The following DPYD variants were observed in gnomAD, a reference collection of about 807,000 sequenced individuals.
DPYD encodes the protein dihydropyrimidine dehydrogenase [NADP(+)].
Under a neutral mutation model 116.2 loss-of-function variants are expected in DPYD, and 109 were observed. The observed-to-expected ratio is 0.94, with a 90% CI of 0.80 to 1.10. The LOEUF is 1.10. DPYD is among the 50% of genes least tolerant of loss of function. The pLI is 0.00. For synonymous variants in DPYD, 440 were observed against 432.0 expected (o/e 1.02, Z -0.23); for missense variants, 1,302 against 1,254.5 (o/e 1.04, Z -0.57).
intron 13 of DPYD, among the ~76,000 whole-genome samples, chr1:97,498,181 C>G (rs886863410): frequency 1.3e-5 from 2 of 151,482 alleles, no homozygotes; most frequent in Non-Finnish European, 3.0e-5. Flanking sequence ...TGGGGAGTAA[C>G]TGCTAATGGG....
chr1:97,732,473 CAAAA>C (rs751262032), intron 4 of DPYD, among the ~76,000 whole-genome samples: 2 of 55,150 alleles, frequency 3.6e-5, no homozygotes, highest in African/African-American at 6.7e-5. Flanking sequence ...GACTCCATCT[CAAAA>C]AAAAAAAAAA....
chr1:97,592,522 A>G (rs1654592404), intron 10 of DPYD, among the ~76,000 whole-genome samples: 1 of 151,842 alleles, frequency 6.6e-6, no homozygotes, highest in Non-Finnish European at 1.5e-5. Context: ...GCCCACCACC[A>G]CGCCCGGCTA....
chr1:97,731,813 T>C (rs1663628398), intron 4 of DPYD, among the ~76,000 whole-genome samples: 2 of 152,020 alleles, frequency 1.3e-5, no homozygotes, highest in Non-Finnish European at 2.9e-5. Context: ...CAGATTTTTC[T>C]TGTCTTAATA....
chr1:97,494,841 C>T (rs571569803), intron 13 of DPYD, among the ~76,000 whole-genome samples: 26 of 152,030 alleles, frequency 1.7e-4, no homozygotes, highest in Admixed American at 1.3e-3. Flanking sequence ...ACATCTAAGC[C>T]GGCTCCTGAG....
chr1:97,313,109 A>C (rs1299666081), intron 16 of DPYD, among the ~76,000 whole-genome samples: 6 of 151,952 alleles, frequency 3.9e-5, no homozygotes, highest in Non-Finnish European at 8.8e-5. Flanking sequence ...ATTAAGTGTC[A>C]CAAAAGACAA....
At chr1:97,857,188 C>A (rs1009652367) in intron 2 of DPYD, among the ~76,000 whole-genome samples, 3 of 152,074 alleles carry the variant, frequency 2.0e-5, no homozygotes, top group African/African-American at 7.2e-5. Flanking sequence ...TCCTAGCTAT[C>A]ATGGAGTATA....
intron 13 of DPYD, among the ~76,000 whole-genome samples, chr1:97,491,970 T>C (rs1679000566): frequency 6.6e-6 from 1 of 152,272 alleles, no homozygotes; most frequent in African/African-American, 2.4e-5. Flanking sequence ...TCATGTATTC[T>C]GCGGCAGGTT....
intron 5 of DPYD, chr1:97,719,786 T>A: frequency 2.0e-6 from 2 of 984,880 alleles, no homozygotes; most frequent in Non-Finnish European, 2.4e-6. Flanking sequence ...ACATTTTTAA[T>A]TTATAATTTG....
chr1:97,134,180 T>C (rs1022486065), intron 20 of DPYD, among the ~76,000 whole-genome samples: 4 of 151,170 alleles, frequency 2.6e-5, no homozygotes, highest in African/African-American at 7.3e-5. Context: ...TAGGGTTTTA[T>C]ATAGCTGGCT....
chr1:97,855,470 G>C (rs889439001), intron 2 of DPYD: 1 of 152,076 alleles, frequency 6.6e-6, no homozygotes, highest in Non-Finnish European at 1.5e-5. Flanking sequence ...ATCAACTTTG[G>C]TAGAAGACAA....
At chr1:97,778,195 AG>A (rs1397673436) in intron 3 of DPYD, among the ~76,000 whole-genome samples, 24 of 111,386 alleles carry the variant, frequency 2.2e-4, no homozygotes, top group Non-Finnish European at 3.8e-4. Context: ...AGAAAGAGAG[AG>A]AGAGAGAGAG....
chr1:97,752,278 A>T (rs1046781648), intron 3 of DPYD, among the ~76,000 whole-genome samples: 1 of 148,600 alleles, frequency 6.7e-6, no homozygotes, highest in Admixed American at 6.8e-5. Context: ...AAAAATAAAA[A>T]GTAAACCTAC....
intron 3 of DPYD, among the ~76,000 whole-genome samples, chr1:97,825,026 A>C (rs1355359960): frequency 6.6e-6 from 1 of 152,168 alleles, no homozygotes; most frequent in African/African-American, 2.4e-5. Context: ...GAAAACCCAA[A>C]TCTTCACTAA....
At chr1:97,340,805 T>C (rs1669552713) in intron 16 of DPYD, among the ~76,000 whole-genome samples, 6 of 152,218 alleles carry the variant, frequency 3.9e-5, no homozygotes. Context: ...ACTTGCTTGA[T>C]TTAATAGATA....
At chr1:97,451,409 C>A (rs1245373223) in intron 13 of DPYD, among the ~76,000 whole-genome samples, 1 of 152,114 alleles carries the variant, frequency 6.6e-6, no homozygotes, top group Admixed American at 6.6e-5. Flanking sequence ...AATTTACATT[C>A]ACTTTTACAT....
intron 20 of DPYD, among the ~76,000 whole-genome samples, chr1:97,183,928 C>T (rs1657817709): frequency 6.6e-6 from 1 of 152,006 alleles, no homozygotes; most frequent in African/African-American, 2.4e-5. Flanking sequence ...ACCTTCCATC[C>T]TCAAGTAGGC....
At chr1:97,330,645 AG>A (rs1338856566) in intron 16 of DPYD, among the ~76,000 whole-genome samples, 3 of 152,138 alleles carry the variant, frequency 2.0e-5, no homozygotes, top group African/African-American at 2.4e-5. Flanking sequence ...GCAAGGGATG[AG>A]GGGGTAGAGA....
At chr1:97,557,074 T>A (rs1178677590) in intron 11 of DPYD, among the ~76,000 whole-genome samples, 1 of 151,848 alleles carries the variant, frequency 6.6e-6, no homozygotes, top group Non-Finnish European at 1.5e-5. Context: ...GGTATCTCAT[T>A]GTGGTTTTGA....
intron 14 of DPYD, among the ~76,000 whole-genome samples, chr1:97,449,843 T>C (rs1219087817): frequency 2.0e-5 from 3 of 152,248 alleles, no homozygotes; most frequent in African/African-American, 4.8e-5. Flanking sequence ...CCATCTTACA[T>C]GGCACCCATT....
Sources: gnomAD v4.1 joint callset for allele counts (sites outside exome capture counted in the v4.1 genomes callset) on GRCh38, gnomAD v4.1.1 for gene constraint, MANE v1.5 for transcripts, NCBI Gene and HGNC (gene_info 2026-07-23, HGNC 2026-07-21) for gene names.